Variants in FGF14 observed in about 807,000 individuals in gnomAD.
FGF14 encodes fibroblast growth factor homologous factor 4.
Under a neutral mutation model 25.5 loss-of-function variants are expected in FGF14, and 5 were observed. The ratio of observed to expected loss-of-function variants is 0.20; its 90% CI spans 0.10 to 0.41. The LOEUF (loss-of-function observed/expected upper bound fraction) is 0.41. Ranked by LOEUF, FGF14 falls within the 10% of genes least tolerant of loss-of-function variation. The pLI, the probability that FGF14 is intolerant of heterozygous loss-of-function variation, is 1.00. For missense variants in FGF14, 222 were observed against 320.1 expected, an observed-to-expected ratio of 0.69 and a Z score of 2.34; for synonymous variants, 138 against 118.3, an observed-to-expected ratio of 1.17 and a Z score of -1.08.
At chr13:101,755,166 C>CA (rs1471025590) in intron 3 of FGF14, among the ~76,000 whole-genome samples, 1 of 152,166 alleles carries the variant, frequency 6.6e-6, no homozygotes, top group Non-Finnish European at 1.5e-5. Flanking sequence ...CAAAAGAATG[C>CA]AGAGAAGACA....
intron 1 of FGF14, among the ~76,000 whole-genome samples, chr13:102,147,241 G>A (rs926058429): frequency 1.3e-5 from 2 of 152,218 alleles, no homozygotes; most frequent in Non-Finnish European, 2.9e-5. Context: ...CTGACCCAGG[G>A]AGCCTGGAAG....
At chr13:101,734,793 CAGA>C (rs1384034022) in intron 3 of FGF14, among the ~76,000 whole-genome samples, 3 of 152,110 alleles carry the variant, frequency 2.0e-5, no homozygotes, top group Non-Finnish European at 4.4e-5. Flanking sequence ...AACCGAGGCA[CAGA>C]AGGTTGAAGT....
intron 3 of FGF14, among the ~76,000 whole-genome samples, chr13:101,848,290 A>G (rs1263581851): frequency 6.6e-6 from 1 of 152,036 alleles, no homozygotes; most frequent in East Asian, 1.9e-4. Context: ...AAGGTTGAAC[A>G]AAGAGGAAAT....
intron 1 of FGF14, among the ~76,000 whole-genome samples, chr13:102,295,646 G>C (rs1322462297): frequency 6.6e-6 from 1 of 152,152 alleles, no homozygotes; most frequent in African/African-American, 2.4e-5. Flanking sequence ...AGAAGTACCA[G>C]AGAGAAACAT....
intron 1 of FGF14, among the ~76,000 whole-genome samples, chr13:101,991,091 C>G (rs1316733186): frequency 6.6e-6 from 1 of 152,042 alleles, no homozygotes; most frequent in East Asian, 1.9e-4. Flanking sequence ...GTATCTTTCA[C>G]AGATAATGAA....
intron 1 of FGF14, among the ~76,000 whole-genome samples, chr13:101,915,791 G>A (rs1471182403): frequency 6.6e-6 from 1 of 152,142 alleles, no homozygotes; most frequent in Non-Finnish European, 1.5e-5. Context: ...CCCGCAATTC[G>A]GATTCTTTCT....
chr13:102,384,956 A>G (rs1032923865), intron 1 of FGF14, among the ~76,000 whole-genome samples: 2 of 151,996 alleles, frequency 1.3e-5, no homozygotes, highest in Middle Eastern at 3.2e-3. Context: ...CTTTTACATA[A>G]AAGATTAATA....
At chr13:102,346,852 T>C (rs2057121709) in intron 1 of FGF14, among the ~76,000 whole-genome samples, 1 of 152,218 alleles carries the variant, frequency 6.6e-6, no homozygotes, top group African/African-American at 2.4e-5. Context: ...ATCAGAATTT[T>C]AGTATTAGTC....
intron 1 of FGF14, among the ~76,000 whole-genome samples, chr13:102,156,991 C>A (rs1172737955): frequency 6.6e-6 from 1 of 152,106 alleles, no homozygotes; most frequent in Admixed American, 6.5e-5. Context: ...CAAACCACTG[C>A]TGAATGAAAT....
chr13:102,311,289 T>C (rs887717392), intron 1 of FGF14, among the ~76,000 whole-genome samples: 1 of 152,208 alleles, frequency 6.6e-6, no homozygotes, highest in Non-Finnish European at 1.5e-5. Flanking sequence ...GCCTGGTTTC[T>C]GGGCCCTGGG....
In FGF14 at chr13:101,774,038, A is replaced by G. The variant is rs193081194; in HGVS notation, c.409-47228T>C. Among the ~76,000 whole-genome samples the G allele has an allele frequency of 3.9e-3, 588 of 151,988 alleles. 4 individuals carry two copies. The highest frequency in any genetic ancestry group is 0.013 in the African/African-American group (552 of 41,432). On this transcript the variant is annotated intron_variant, in intron 3 of 4. Transcript: ENST00000376143. ...CCCCAGTTTTCTCATTTATAAAATTAAGAACCTACAGTTGTGAAAGTGTTT... is the reference window on the plus strand; with the variant it reads ...CCCCAGTTTTCTCATTTATAAAATTGAGAACCTACAGTTGTGAAAGTGTTT...
At chr13:102,208,458 T>C (rs1359500562) in intron 1 of FGF14, among the ~76,000 whole-genome samples, 1 of 152,188 alleles carries the variant, frequency 6.6e-6, no homozygotes, top group Non-Finnish European at 1.5e-5. Flanking sequence ...CACACTCCTA[T>C]CAGTTTATCT....
rs1451578884 is a variant in FGF14, at chr13:102,065,838, TAA to T, written c.209-190544_209-190543del. Among the ~76,000 whole-genome samples, 13 of 152,188 alleles carry T rather than the reference TAA, an allele frequency of 8.5e-5. No homozygotes were observed. In the East Asian group the frequency reaches 2.3e-3, roughly 27 times the overall value. On this transcript the variant is annotated intron_variant, in intron 1 of 4. Coordinates refer to the FGF14 transcript ENST00000376131. Reference sequence around the variant, plus strand: ...GGATAGTTACTATGTATATAAAATATAAAAGTCATTTTTATTTGACCAGGAAT... The same window carrying T: ...GGATAGTTACTATGTATATAAAATATAAGTCATTTTTATTTGACCAGGAAT...
At chr13:102,033,235 A>G (rs2041299717) in intron 1 of FGF14, among the ~76,000 whole-genome samples, 1 of 152,094 alleles carries the variant, frequency 6.6e-6, no homozygotes, top group South Asian at 2.1e-4. Flanking sequence ...ACTGTAACTA[A>G]CCATGGAAAA....
chr13:102,226,417 A>C (rs1255682377), intron 1 of FGF14, among the ~76,000 whole-genome samples: 1 of 152,152 alleles, frequency 6.6e-6, no homozygotes, highest in Non-Finnish European at 1.5e-5. Flanking sequence ...TTATCTCCTA[A>C]AACTATTCTT....
At chr13:102,128,229 G>A (rs1247245250) in intron 1 of FGF14, among the ~76,000 whole-genome samples, 1 of 152,180 alleles carries the variant, frequency 6.6e-6, no homozygotes, top group Non-Finnish European at 1.5e-5. Context: ...GCTGTTGAGA[G>A]GGTGGATCCT....
chr13:102,040,435 G>C (rs1394051169), intron 1 of FGF14, among the ~76,000 whole-genome samples: 1 of 152,068 alleles, frequency 6.6e-6, no homozygotes, highest in Non-Finnish European at 1.5e-5. Flanking sequence ...AGAAAATCTT[G>C]CATTTCCACA....
intron 3 of FGF14, among the ~76,000 whole-genome samples, chr13:101,808,819 A>G (rs1250987580): frequency 3.3e-5 from 5 of 152,152 alleles, no homozygotes; most frequent in Non-Finnish European, 7.4e-5. Context: ...ATATCTGTAA[A>G]TTATGTTACT....
intron 1 of FGF14, among the ~76,000 whole-genome samples, chr13:101,924,970 G>GA (rs2034266406): frequency 6.6e-6 from 1 of 152,108 alleles, no homozygotes; most frequent in African/African-American, 2.4e-5. Flanking sequence ...AATTTATGCT[G>GA]AAAAAAAGGT....
Sources: gnomAD v4.1 joint callset for allele counts (sites outside exome capture counted in the v4.1 genomes callset) on GRCh38, gnomAD v4.1.1 for gene constraint, MANE v1.5 for transcripts, NCBI Gene and HGNC (gene_info 2026-07-23, HGNC 2026-07-21) for gene names.